RBKS: variants seen among roughly 807,000 people sequenced by gnomAD.
RBKS encodes ribokinase.
In RBKS, 33 loss-of-function variants were observed where a neutral mutation model predicts 33.9. That is an observed-to-expected ratio of 0.97 (90% CI 0.74 to 1.30). The LOEUF (loss-of-function observed/expected upper bound fraction) is 1.30. Ranked by LOEUF, RBKS falls within the 50% of genes most tolerant of loss-of-function variation. The probability of loss-of-function intolerance (pLI) is 0.00; values close to 1 mark genes in which losing one functional copy is unlikely to be tolerated. For synonymous variants in RBKS, 125 were observed against 143.0 expected, an observed-to-expected ratio of 0.87 and a Z score of 0.90; for missense variants, 361 against 392.6, an observed-to-expected ratio of 0.92 and a Z score of 0.68.
chr2:27,835,553 G>A (rs911618791), intron 5 of RBKS, among the ~76,000 whole-genome samples: 1 of 149,498 alleles, frequency 6.7e-6, no homozygotes, highest in Non-Finnish European at 1.5e-5. Context: ...CAAGTAGCTG[G>A]GACTAATGGG....
chr2:27,784,604 T>C (rs1677364394), intron 7 of RBKS, among the ~76,000 whole-genome samples: 3 of 152,142 alleles, frequency 2.0e-5, no homozygotes, highest in African/African-American at 7.2e-5. Flanking sequence ...GCCAGATTTA[T>C]AAAGAGAAGG....
At chr2:27,813,485 A>G (rs1175215898) in intron 7 of RBKS, among the ~76,000 whole-genome samples, 3 of 152,180 alleles carry the variant, frequency 2.0e-5, no homozygotes, top group Non-Finnish European at 4.4e-5. Flanking sequence ...TAAACACAAA[A>G]ACAGGTTTCT....
At chr2:27,867,006 G>C (rs530179864) in intron 1 of RBKS, among the ~76,000 whole-genome samples, 7 of 151,542 alleles carry the variant, frequency 4.6e-5, no homozygotes, top group Non-Finnish European at 7.4e-5. Flanking sequence ...TGGGAGGCTG[G>C]GGCAGGAGGA....
intron 1 of RBKS, among the ~76,000 whole-genome samples, chr2:27,888,270 G>A (rs1277350989): frequency 1.3e-5 from 2 of 152,082 alleles, no homozygotes; most frequent in Non-Finnish European, 2.9e-5. Flanking sequence ...TGGAATCACA[G>A]GCGCCAGCTA....
chr2:27,848,718 T>G (rs1411410883), intron 2 of RBKS, among the ~76,000 whole-genome samples: 1 of 152,012 alleles, frequency 6.6e-6, no homozygotes, highest in African/African-American at 2.4e-5. Flanking sequence ...GCATGTTCCT[T>G]GTAGTCCCAG....
At position 27,863,106 on chromosome 2, in the gene RBKS, A is replaced by G. The variant is rs551397194; in HGVS notation, c.90-4535T>C. Among the ~76,000 whole-genome samples the G allele has an allele frequency of 1.2e-4, 19 of 152,382 alleles. No individual in the cohort carries two copies. In the South Asian group the frequency reaches 3.1e-3, roughly 25 times the overall value. On this transcript the variant is annotated intron_variant, in intron 1 of 7. Transcript: ENST00000302188. ...TTAGTAGAAATACATTGTTACTACC[A>G]TTTAAAGGTAAAAATAGTGTAAATT...
intron 2 of RBKS, among the ~76,000 whole-genome samples, chr2:27,854,271 G>A (rs1399358605): frequency 6.6e-6 from 1 of 152,168 alleles, no homozygotes; most frequent in Non-Finnish European, 1.5e-5. Flanking sequence ...GATCCTAACT[G>A]CTTACTCTCA....
At chr2:27,830,065 G>T (rs919829487) in intron 6 of RBKS, among the ~76,000 whole-genome samples, 1 of 152,154 alleles carries the variant, frequency 6.6e-6, no homozygotes, top group African/African-American at 2.4e-5. Context: ...TGTACAGCCA[G>T]CATATCAAGG....
intron 1 of RBKS, among the ~76,000 whole-genome samples, chr2:27,860,601 T>G (rs916533700): frequency 1.3e-5 from 2 of 152,126 alleles, no homozygotes; most frequent in African/African-American, 4.8e-5. Flanking sequence ...GATGTATATA[T>G]ATATGTGGGG....
chr2:27,834,745 T>C (rs191144149), intron 5 of RBKS, among the ~76,000 whole-genome samples: 1 of 152,286 alleles, frequency 6.6e-6, no homozygotes, highest in East Asian at 1.9e-4. Context: ...CAAATCTACA[T>C]TCATCAGCAT....
Position 27,877,322 on chromosome 2 carries a change from TG to T in RBKS, c.89+12934del. ...CCCCTAAGAATGCTGTATTGGTATA[TG>T]GAAGATTCTATTTTGTATTTTAACA... On this transcript the variant is annotated intron_variant, in intron 1 of 7. Coordinates refer to ENST00000302188, the MANE Select transcript of RBKS (RefSeq NM_022128.3). Among the ~76,000 whole-genome samples, 3 of 152,182 alleles carry T rather than the reference TG, an allele frequency of 2.0e-5. No homozygotes were observed. The South Asian group carries it at 6.2e-4, about 32-fold the overall frequency.
At chr2:27,861,669 G>GGA (rs1553380072) in intron 1 of RBKS, 1 of 429,622 alleles carries the variant, frequency 2.3e-6, no homozygotes, top group African/African-American at 2.1e-5. Context: ...TTTTTGGGGG[G>GGA]GGGGTGGAGT....
chr2:27,878,882 T>C (rs975549038), intron 1 of RBKS, among the ~76,000 whole-genome samples: 3 of 152,340 alleles, frequency 2.0e-5, no homozygotes, highest in Admixed American at 6.5e-5. Flanking sequence ...GGGGTTGTTC[T>C]GGCTGTCATT....
At chr2:27,856,529 A>G (rs1663859130) in intron 2 of RBKS, among the ~76,000 whole-genome samples, 1 of 152,198 alleles carries the variant, frequency 6.6e-6, no homozygotes, top group African/African-American at 2.4e-5. Flanking sequence ...TCTTTGCCTC[A>G]AATTCAACAG....
In RBKS at chr2:27,827,556, T is replaced by G; in HGVS notation, c.795+11A>C. 10 of 1,541,236 alleles carry G rather than the reference T, an allele frequency of 6.5e-6. No individual in the cohort carries two copies. The highest frequency in any genetic ancestry group is 8.7e-6 in the Non-Finnish European group (10 of 1,145,610). On this transcript the variant is annotated intron_variant, in intron 7 of 7. Transcript: ENST00000302188. ...AAAGGCTAAACATGATTCTTAAATTTTAAAACTTACCGTGGTATCCACAGC... is the reference window on the plus strand; with the variant it reads ...AAAGGCTAAACATGATTCTTAAATTGTAAAACTTACCGTGGTATCCACAGC...
intron 7 of RBKS, among the ~76,000 whole-genome samples, chr2:27,789,941 G>GTATATGTGTATATATATATATATA (rs1553374154): frequency 0.012 from 1,137 of 96,478 alleles, 10 homozygotes; most frequent in Middle Eastern, 0.075. Flanking sequence ...ATATATATAT[G>GTATATGTGTATATATATATATATA]TATATGTGTA....
intron 1 of RBKS, among the ~76,000 whole-genome samples, chr2:27,868,346 A>G (rs1373740291): frequency 6.6e-6 from 1 of 152,150 alleles, no homozygotes; most frequent in Non-Finnish European, 1.5e-5. Flanking sequence ...AGGCATTATC[A>G]TCATCTGTTT....
chr2:27,861,947 A>ATTTT (rs763090773), intron 1 of RBKS, among the ~76,000 whole-genome samples: 3 of 113,722 alleles, frequency 2.6e-5, no homozygotes, highest in Non-Finnish European at 3.6e-5. Context: ...GCCTGGCCTG[A>ATTTT]TTTTTTTTTT....
chr2:27,886,456 T>C (rs568696437), intron 1 of RBKS, among the ~76,000 whole-genome samples: 2 of 152,338 alleles, frequency 1.3e-5, no homozygotes, highest in African/African-American at 4.8e-5. Flanking sequence ...AAATCCTTAG[T>C]TGTTATTCCT....
Sources: gnomAD v4.1 joint callset for allele counts (sites outside exome capture counted in the v4.1 genomes callset) on GRCh38, gnomAD v4.1.1 for gene constraint, MANE v1.5 for transcripts, NCBI Gene and HGNC (gene_info 2026-07-23, HGNC 2026-07-21) for gene names.